Variants in SOS2 observed in about 807,000 individuals in gnomAD.
SOS2 encodes SOS Ras/Rho guanine nucleotide exchange factor 2.
A neutral mutation model predicts 148.2 loss-of-function variants in SOS2; 65 were observed. The observed-to-expected ratio is 0.44, with a 90% CI of 0.36 to 0.54. SOS2 has a LOEUF of 0.54. SOS2 is among the 20% of genes least tolerant of loss of function. The probability of loss-of-function intolerance (pLI) is 0.00; values close to 1 mark genes in which losing one functional copy is unlikely to be tolerated. For missense variants in SOS2, 1,341 were observed against 1,590.2 expected (o/e 0.84, Z 2.67); for synonymous variants, 539 against 537.1 (o/e 1.00, Z -0.05).
chr14:50,154,858 G>A (rs929548607), intron 12 of SOS2, among the ~76,000 whole-genome samples: 1 of 152,132 alleles, frequency 6.6e-6, no homozygotes, highest in African/African-American at 2.4e-5. Context: ...ATCTTGAAAG[G>A]CGTTTGGATT....
At chr14:50,176,152 C>T (rs1295565320) in intron 7 of SOS2, among the ~76,000 whole-genome samples, 1 of 152,152 alleles carries the variant, frequency 6.6e-6, no homozygotes, top group Non-Finnish European at 1.5e-5. Flanking sequence ...TTGTGCTATC[C>T]ATCATGTGAG....
Position 50,153,284 on chromosome 14 carries a change from CAA to C in SOS2, c.2058-113_2058-112del, listed in dbSNP as rs1884718268. The stretch of plus-strand genomic sequence containing the variant: ...TACATACAAGGGTCAACATAATACT[CAA>C]AGACTCTCTAATCTGTATTTAATTA... On this transcript the variant is annotated intron_variant, in intron 12 of 22. Coordinates refer to ENST00000216373, the MANE Select transcript of SOS2 (RefSeq NM_006939.4). The C allele has an allele frequency of 6.6e-6, 4 of 603,954 alleles. No individual in the cohort carries two copies. In the South Asian group the frequency reaches 9.3e-5, roughly 14 times the overall value. 37.4% of individuals were successfully genotyped at this position (603,954 alleles called of 1,614,324 possible).
chr14:50,228,280 T>C (rs546233203), intron 1 of SOS2, among the ~76,000 whole-genome samples: 4 of 152,088 alleles, frequency 2.6e-5, no homozygotes, highest in African/African-American at 7.2e-5. Context: ...CTAAACTCAG[T>C]TGATCCACCA....
At chr14:50,204,032 T>C (rs1439278839) in intron 2 of SOS2, among the ~76,000 whole-genome samples, 1 of 152,140 alleles carries the variant, frequency 6.6e-6, no homozygotes, top group East Asian at 1.9e-4. Flanking sequence ...AATTTTTGTC[T>C]ACGGCATGAG....
At chr14:50,121,763 G>C (rs1391820746) in intron 21 of SOS2, among the ~76,000 whole-genome samples, 2 of 152,128 alleles carry the variant, frequency 1.3e-5, no homozygotes, top group Non-Finnish European at 2.9e-5. Context: ...TTGGCTCAGG[G>C]GGAAATAGCT....
At chr14:50,161,091 G>A (rs1218706754) in intron 9 of SOS2, among the ~76,000 whole-genome samples, 1 of 151,940 alleles carries the variant, frequency 6.6e-6, no homozygotes, top group Non-Finnish European at 1.5e-5. Flanking sequence ...TCAGGAGTTT[G>A]AGACCAGTCT....
chr14:50,217,185 G>A (rs968250890), intron 1 of SOS2, among the ~76,000 whole-genome samples: 3 of 152,010 alleles, frequency 2.0e-5, no homozygotes, highest in Admixed American at 2.0e-4. Context: ...TTAAATAAAA[G>A]CATGAAGACC....
At chr14:50,168,533 T>C (rs1885240687) in intron 8 of SOS2, among the ~76,000 whole-genome samples, 1 of 152,230 alleles carries the variant, frequency 6.6e-6, no homozygotes, top group African/African-American at 2.4e-5. Flanking sequence ...ATATACCTTC[T>C]TAGAGAAATG....
At chr14:50,127,811 A>G (rs372534352) in intron 21 of SOS2, among the ~76,000 whole-genome samples, 1 of 152,248 alleles carries the variant, frequency 6.6e-6, no homozygotes, top group East Asian at 1.9e-4. Flanking sequence ...CCTGCACATT[A>G]TCAGGCATTT....
intron 8 of SOS2, among the ~76,000 whole-genome samples, chr14:50,162,897 A>ATTTTTTT (rs112053842): frequency 1.1e-5 from 1 of 88,344 alleles, no homozygotes; most frequent in Non-Finnish European, 3.0e-5. Flanking sequence ...CAATGTTTTG[A>ATTTTTTT]TTTTTTTTTT....
rs2139463656 is a variant in SOS2, at chr14:50,118,503, A to C, written c.3840T>G (p.Ser1280Arg). ...VPRRCYVLSS[S>R]QNNLAHPPAP... ...CTGGAGGATGAGCAAGATTATTCTG[A>C]CTAGAACTGAGCACATAGCATCGAC... is the stretch of plus-strand genomic sequence containing the variant. The change falls in exon 23 of 23, where the codon AGT (serine) becomes AGG (arginine). Residue 1280 changes from serine to arginine, a missense_variant. Ser to Arg is a moderately radical substitution (Grantham distance 110). This residue lies in a region of SOS2 where 354 missense variants were observed against 347.7 expected (regional missense o/e 1.02). Coordinates refer to ENST00000216373, the MANE Select transcript of SOS2 (RefSeq NM_006939.4). 1.2e-6 allele frequency: 2 copies of C among 1,614,140 alleles called. No homozygotes were observed. The highest frequency in any genetic ancestry group is 4.5e-5 in the East Asian group (2 of 44,884).
intron 21 of SOS2, among the ~76,000 whole-genome samples, chr14:50,129,665 G>GT (rs1252997897): frequency 6.6e-6 from 1 of 152,208 alleles, no homozygotes; most frequent in Admixed American, 6.5e-5. Flanking sequence ...GATTACAGGC[G>GT]TGAGCCACCA....
chr14:50,180,157 C>T (rs1318013321), intron 7 of SOS2, among the ~76,000 whole-genome samples: 1 of 151,332 alleles, frequency 6.6e-6, no homozygotes, highest in Non-Finnish European at 1.5e-5. Context: ...GAGCTCACCA[C>T]CACGCCCAGC....
intron 4 of SOS2, among the ~76,000 whole-genome samples, chr14:50,190,235 G>A (rs759058385): frequency 1.2e-4 from 18 of 151,916 alleles, no homozygotes; most frequent in Non-Finnish European, 2.4e-4. Flanking sequence ...AAGACTGACC[G>A]AAACGTACCC....
At chr14:50,191,485 C>T (rs1234150687) in intron 4 of SOS2, among the ~76,000 whole-genome samples, 1 of 152,050 alleles carries the variant, frequency 6.6e-6, no homozygotes, top group Non-Finnish European at 1.5e-5. Context: ...AGAAAAAACA[C>T]ATATAAACCC....
At chr14:50,147,574 G>C (rs1195383180) in intron 14 of SOS2, among the ~76,000 whole-genome samples, 1 of 149,560 alleles carries the variant, frequency 6.7e-6, no homozygotes. Flanking sequence ...GAATCTCCGT[G>C]TATGTTTATA....
chr14:50,122,391 CTTTTTTTTTT>C (rs71118839), intron 21 of SOS2, among the ~76,000 whole-genome samples: 1 of 88,308 alleles, frequency 1.1e-5, no homozygotes, highest in South Asian at 4.4e-4. Flanking sequence ...GAACCCTGGG[CTTTTTTTTTT>C]TTTTTTTTTT....
At chr14:50,166,497 A>G (rs1035518556) in intron 8 of SOS2, among the ~76,000 whole-genome samples, 4 of 152,136 alleles carry the variant, frequency 2.6e-5, no homozygotes, top group Admixed American at 2.6e-4. Flanking sequence ...CTAAAGTGCT[A>G]GGATTACAAG....
chr14:50,145,036 T>C (rs1262902319), intron 16 of SOS2, 134 bp downstream of exon 16: 1 of 397,450 alleles, frequency 2.5e-6, no homozygotes, highest in Non-Finnish European at 4.5e-6. Context: ...TTTTCTAATA[T>C]ATTTATATCA....
Sources: allele counts gnomAD v4.1 joint callset (sites outside exome capture counted in the v4.1 genomes callset), GRCh38; gene constraint gnomAD v4.1.1; regional missense constraint gnomAD v4.1.1; transcripts MANE v1.5; gene names NCBI Gene and HGNC (gene_info 2026-07-23, HGNC 2026-07-21).